The following PATJ variants were observed in gnomAD, a reference collection of about 807,000 sequenced individuals.
PATJ encodes inaD-like protein.
A neutral mutation model predicts 224.9 loss-of-function variants in PATJ; 190 were observed. The observed-to-expected ratio is 0.84, with a 90% confidence interval of 0.75 to 0.95. PATJ has a LOEUF of 0.95. PATJ is among the 40% of genes least tolerant of loss of function. The pLI, the probability that PATJ is intolerant of heterozygous loss-of-function variation, is 0.00. For missense variants in PATJ, 2,121 were observed against 2,270.3 expected (o/e 0.93, Z 1.34); for synonymous variants, 769 against 820.3 (o/e 0.94, Z 1.07).
chr1:61,940,055 G>A (rs910682859), intron 27 of PATJ, among the ~76,000 whole-genome samples: 1 of 151,956 alleles, frequency 6.6e-6, no homozygotes, highest in African/African-American at 2.4e-5. Context: ...TGTGTATTTA[G>A]ATATATATCT....
intron 1 of PATJ, among the ~76,000 whole-genome samples, chr1:61,759,957 A>C (rs1230883166): frequency 2.6e-5 from 4 of 152,062 alleles, no homozygotes; most frequent in Non-Finnish European, 4.4e-5. Context: ...AATAAATGTC[A>C]GTTGAGATTT....
intron 25 of PATJ, among the ~76,000 whole-genome samples, chr1:61,911,865 A>G (rs1672705903): frequency 6.7e-6 from 1 of 149,596 alleles, no homozygotes; most frequent in Non-Finnish European, 1.5e-5. Context: ...AAACAGAGAT[A>G]GAAATATTAG....
intron 30 of PATJ, among the ~76,000 whole-genome samples, chr1:62,042,046 TA>T (rs1415772281): frequency 6.6e-6 from 1 of 152,114 alleles, no homozygotes; most frequent in Non-Finnish European, 1.5e-5. Flanking sequence ...GGCTAGTATG[TA>T]AAAAATATGT....
At chr1:62,006,105 GTTTT>G (rs1646078242) in intron 28 of PATJ, among the ~76,000 whole-genome samples, 2 of 108,790 alleles carry the variant, frequency 1.8e-5, no homozygotes, top group African/African-American at 5.7e-5. Flanking sequence ...TTCTTTTTTT[GTTTT>G]GTTTTGTTTT....
At chr1:61,969,016 A>T (rs1315778950) in intron 27 of PATJ, among the ~76,000 whole-genome samples, 3 of 152,068 alleles carry the variant, frequency 2.0e-5, no homozygotes, top group Non-Finnish European at 2.9e-5. Flanking sequence ...ACATAGCATA[A>T]TTTTCTCAAA....
chr1:61,796,713 T>C (rs1222719764), intron 10 of PATJ, among the ~76,000 whole-genome samples: 4 of 21,518 alleles, frequency 1.9e-4, no homozygotes, highest in Admixed American at 1.4e-3. Context: ...TTTCTTTCTT[T>C]CTTTCTTTCT....
intron 1 of PATJ, among the ~76,000 whole-genome samples, chr1:61,752,060 C>T (rs1056790220): frequency 6.6e-6 from 1 of 150,500 alleles, no homozygotes; most frequent in African/African-American, 2.4e-5. Flanking sequence ...ATCGCCTGAA[C>T]CCGGGAGGCA....
At chr1:61,956,416 G>A (rs1190065445) in intron 27 of PATJ, among the ~76,000 whole-genome samples, 3 of 152,106 alleles carry the variant, frequency 2.0e-5, no homozygotes, top group Admixed American at 1.3e-4. Context: ...AACCTGCTTC[G>A]GGTTTTCCAT....
chr1:61,781,292 G>T (rs1647278160), intron 7 of PATJ, among the ~76,000 whole-genome samples: 1 of 152,154 alleles, frequency 6.6e-6, no homozygotes, highest in South Asian at 2.1e-4. Context: ...CTCTTCTAGG[G>T]CATATGGTAA....
chr1:62,092,269 A>G (rs1019291487), intron 33 of PATJ, among the ~76,000 whole-genome samples: 7 of 151,862 alleles, frequency 4.6e-5, no homozygotes, highest in African/African-American at 1.7e-4. Flanking sequence ...AGTCCCAACT[A>G]CCTGGCAGGC....
intron 27 of PATJ, among the ~76,000 whole-genome samples, chr1:61,961,131 G>A (rs1681211363): frequency 6.6e-6 from 1 of 152,192 alleles, no homozygotes; most frequent in African/African-American, 2.4e-5. Flanking sequence ...TACACGCTCT[G>A]GAACGATGCC....
At chr1:61,983,294 A>G (rs1406569199) in intron 27 of PATJ, among the ~76,000 whole-genome samples, 1 of 151,980 alleles carries the variant, frequency 6.6e-6, no homozygotes, top group Non-Finnish European at 1.5e-5. Context: ...TGTGTTACAG[A>G]GTATTTGGCA....
At chr1:61,946,849 C>T (rs1353038035) in intron 27 of PATJ, among the ~76,000 whole-genome samples, 1 of 152,196 alleles carries the variant, frequency 6.6e-6, no homozygotes, top group Admixed American at 6.5e-5. Context: ...TCCAGCAGCA[C>T]ATCAAAAAGC....
chr1:62,088,783 C>A (rs187428601), intron 33 of PATJ, among the ~76,000 whole-genome samples: 1 of 148,418 alleles, frequency 6.7e-6, no homozygotes, highest in East Asian at 2.0e-4. Context: ...GATCAGATAT[C>A]TTATAAACAG....
At chr1:61,770,813 G>GA (rs1278921326) in intron 5 of PATJ, among the ~76,000 whole-genome samples, 1 of 151,852 alleles carries the variant, frequency 6.6e-6, no homozygotes. Flanking sequence ...GTGAGACTGA[G>GA]GTGGGAGAAT....
At chr1:62,102,593 C>T (rs1188797525) in intron 33 of PATJ, among the ~76,000 whole-genome samples, 1 of 151,988 alleles carries the variant, frequency 6.6e-6, no homozygotes, top group African/African-American at 2.4e-5. Flanking sequence ...TGGCTCACGC[C>T]TGTAATCTCA....
intron 27 of PATJ, among the ~76,000 whole-genome samples, chr1:61,982,714 CTTT>C (rs920567878): frequency 2.0e-5 from 3 of 151,904 alleles, no homozygotes; most frequent in Admixed American, 6.6e-5. Context: ...TGCTAGAAGA[CTTT>C]TTAACACTTT....
At chr1:61,852,787 A>G (rs759745863) in intron 17 of PATJ, among the ~76,000 whole-genome samples, 1 of 152,208 alleles carries the variant, frequency 6.6e-6, no homozygotes, top group Non-Finnish European at 1.5e-5. Context: ...CAAAGCCTCA[A>G]GAATAGCAGC....
intron 27 of PATJ, among the ~76,000 whole-genome samples, chr1:61,986,987 A>G (rs954547686): frequency 1.3e-5 from 2 of 151,884 alleles, no homozygotes; most frequent in African/African-American, 2.4e-5. Context: ...AAATTCTTCA[A>G]AATTATAAAA....
Sources: gnomAD v4.1 joint callset for allele counts (sites outside exome capture counted in the v4.1 genomes callset) on GRCh38, gnomAD v4.1.1 for gene constraint, MANE v1.5 for transcripts, NCBI Gene and HGNC (gene_info 2026-07-23, HGNC 2026-07-21) for gene names.